Variants in MTRR observed in about 807,000 individuals in gnomAD.
The protein encoded by MTRR is 5-methyltetrahydrofolate-homocysteine methyltransferase reductase.
In MTRR, 63 loss-of-function variants were observed where a neutral mutation model predicts 79.2. The observed-to-expected ratio is 0.80, with a 90% CI of 0.65 to 0.98. The LOEUF is 0.98. MTRR is among the 50% of genes least tolerant of loss of function. The probability of loss-of-function intolerance (pLI) is 0.00; values close to 1 mark genes in which losing one functional copy is unlikely to be tolerated. For synonymous variants in MTRR, 355 were observed against 313.3 expected, an observed-to-expected ratio of 1.13 and a Z score of -1.41; for missense variants, 895 against 839.6, an observed-to-expected ratio of 1.07 and a Z score of -0.82.
rs762091582 is a variant in MTRR at position 7,875,278 on chromosome 5, A to G, written c.304A>G (p.Thr102Ala). 2.5e-6 allele frequency: 4 copies of G among 1,613,352 alleles called. No individual in the cohort carries two copies. Among genetic ancestry groups the G allele is most frequent in the East Asian group, 4.5e-5 (2 of 44,848 alleles). Residue 102 changes from threonine (T) to alanine (A), a missense_variant, in exon 4 of 15, where the codon ACC becomes GCC. Physicochemically the swap from Thr to Ala is moderately conservative, Grantham distance 58 (BLOSUM62 0). Transcript: ENST00000440940. ...TCTAGGTCTCGGTGATTCAGAATAC[A>G]CCTACTTTTGCAATGGGGGGAAGAT... ...GLLGLGDSEY[T>A]YFCNGGKIID...
Position 7,875,287 on chromosome 5 carries a change from T to G in MTRR, c.313T>G (p.Cys105Gly), listed in dbSNP as rs1484416611. 1.9e-6 allele frequency: 3 copies of G among 1,613,678 alleles called. No individual in the cohort carries two copies. The highest frequency in any genetic ancestry group is 3.3e-5 in the Admixed American group (2 of 59,998). The change falls in exon 4 of 15, where the codon TGC becomes GGC. Residue 105 changes from cysteine to glycine, a missense_variant. Transcript: ENST00000440940. The stretch of plus-strand genomic sequence containing the variant: ...CGGTGATTCAGAATACACCTACTTT[T>G]GCAATGGGGGGAAGATAATTGATAA... ...GLGDSEYTYFCNGGKIIDKRL... is the reference protein window; with the variant it reads ...GLGDSEYTYFGNGGKIIDKRL...
chr5:7,885,400 G>C, intron 6 of MTRR: 1 of 361,156 alleles, frequency 2.8e-6, no homozygotes, highest in Admixed American at 4.5e-5. Flanking sequence ...AAACACCATA[G>C]GACCTTACTT....
chr5:7,872,938 A>G (rs1254628083), intron 2 of MTRR, among the ~76,000 whole-genome samples: 1 of 152,040 alleles, frequency 6.6e-6, no homozygotes, highest in Admixed American at 6.6e-5. Flanking sequence ...GGCTCTTAGC[A>G]GTGCTGATTT....
In MTRR at chr5:7,886,765, G is replaced by T; in HGVS notation, c.1146+62G>T. On this transcript the variant is annotated intron_variant, in intron 8 of 14. Coordinates refer to ENST00000440940, the MANE Select transcript of MTRR (RefSeq NM_002454.3). ...AATATGCTTAGCTTTATTTAGGATTGATTAAACAAATTTAGAATATGCCCT... is the reference window on the plus strand; with the variant it reads ...AATATGCTTAGCTTTATTTAGGATTTATTAAACAAATTTAGAATATGCCCT... 2.2e-6 allele frequency: 3 copies of T among 1,350,196 alleles called. No individual in the cohort carries two copies. The South Asian group carries it at 3.5e-5, about 16-fold the overall frequency. The allele number at this position is 1,350,196 out of a possible 1,614,324, so 83.6% of individuals were successfully genotyped here.
intron 4 of MTRR, among the ~76,000 whole-genome samples, chr5:7,875,941 T>C (rs976379355): frequency 6.6e-6 from 1 of 152,268 alleles, no homozygotes; most frequent in African/African-American, 2.4e-5. Context: ...ATTTCACCCA[T>C]TGTGCCACCT....
chr5:7,895,754 A>C lies in MTRR; in HGVS notation c.1578A>C (p.Thr526=). ...TTCAGATATCCATCTCTCCTCGAAC[A>C]ACAAATTCTTTCCACTTACCAGATG... ...LAPKISISPR[T]TNSFHLPDDP... The change falls in exon 12 of 15, where the codon ACA becomes ACC. Residue 526 remains threonine, a synonymous_variant. Coordinates refer to ENST00000440940, the MANE Select transcript of MTRR (RefSeq NM_002454.3). 1 of 1,614,090 alleles carries C rather than the reference A, an allele frequency of 6.2e-7. No homozygotes were observed. Among genetic ancestry groups the C allele is most frequent in the Non-Finnish European group, 8.5e-7 (1 of 1,179,974 alleles).
intron 10 of MTRR, 118 bp downstream of exon 10, chr5:7,891,532 A>C (rs1737580029): frequency 2.5e-6 from 2 of 814,402 alleles, no homozygotes; most frequent in African/African-American, 3.4e-5. Flanking sequence ...TTTATGGAAG[A>C]CAGTACCAGG....
chr5:7,866,804 G>A (rs764801414), upstream of MTRR: 135 of 1,614,050 alleles, frequency 8.4e-5, 1 homozygote, highest in East Asian at 3.0e-3. Context: ...TCTAAATAAA[G>A]CAGAGGCATT....
At chr5:7,873,957 C>T (rs1170006506) in intron 3 of MTRR, among the ~76,000 whole-genome samples, 2 of 152,200 alleles carry the variant, frequency 1.3e-5, no homozygotes, top group African/African-American at 4.8e-5. Flanking sequence ...TTTTCATTTC[C>T]CAGCTACACA....
At chr5:7,869,489 C>T (rs953174531) in intron 1 of MTRR, 5 of 485,208 alleles carry the variant, frequency 1.0e-5, no homozygotes, top group Admixed American at 7.2e-5. Context: ...TCATGTTCTG[C>T]CTTTGGTTCT....
intron 3 of MTRR, among the ~76,000 whole-genome samples, chr5:7,874,816 G>T (rs533135684): frequency 3.9e-5 from 6 of 152,234 alleles, no homozygotes; most frequent in Non-Finnish European, 5.9e-5. Context: ...AAGTGGACTT[G>T]ACTGTCTTTT....
intron 14 of MTRR, among the ~76,000 whole-genome samples, chr5:7,899,363 A>G (rs576730917): frequency 1.5e-3 from 233 of 152,334 alleles, no homozygotes; most frequent in Middle Eastern, 3.4e-3. Flanking sequence ...AGTGTTCCAG[A>G]GAGGACTGCA....
intron 1 of MTRR, among the ~76,000 whole-genome samples, chr5:7,857,311 C>T (rs4277880): frequency 0.53 from 80,682 of 151,984 alleles, 23,330 homozygotes; most frequent in Middle Eastern, 0.66. Flanking sequence ...CCAATGAATT[C>T]ATCAGCATGA....
At chr5:7,880,174 T>C (rs162031) in intron 5 of MTRR, among the ~76,000 whole-genome samples, 121,764 of 152,200 alleles carry the variant, frequency 0.8, 49,259 homozygotes, top group African/African-American at 0.88. Context: ...CTGTCCTGGC[T>C]ACTCCTCGTT....
intron 9 of MTRR, chr5:7,890,169 T>C: frequency 1.3e-6 from 1 of 767,756 alleles, no homozygotes; most frequent in Non-Finnish European, 1.6e-6. Flanking sequence ...TCCTTTTTAC[T>C]CTTGGGCCAG....
At chr5:7,883,468 ACATATGCTGAGT>A in intron 6 of MTRR, among the ~76,000 whole-genome samples, 191 bp downstream of exon 6, 7 of 138,672 alleles carry the variant, frequency 5.0e-5, no homozygotes, top group Non-Finnish European at 6.3e-5. Flanking sequence ...GTGCTTGGTT[ACATATGCTGAGT>A]TGTGTGGTGC....
At chr5:7,887,559 T>G (rs1394491794) in intron 8 of MTRR, among the ~76,000 whole-genome samples, 1 of 147,716 alleles carries the variant, frequency 6.8e-6, no homozygotes, top group Non-Finnish European at 1.5e-5. Flanking sequence ...TTTATATATA[T>G]ATAGATTTAT....
intron 1 of MTRR, chr5:7,861,800 A>G (rs1746567736): frequency 8.1e-6 from 11 of 1,366,254 alleles, no homozygotes; most frequent in Non-Finnish European, 1.0e-5. Context: ...ACAACCAAAC[A>G]ATGGTGAGAA....
At chr5:7,890,498 T>C (rs1737363929) in intron 9 of MTRR, 1 of 773,874 alleles carries the variant, frequency 1.3e-6, no homozygotes. Flanking sequence ...TGTTACCTTT[T>C]AGAATGTTAG....
Sources: gnomAD v4.1 joint callset for allele counts (sites outside exome capture counted in the v4.1 genomes callset) on GRCh38, gnomAD v4.1.1 for gene constraint, MANE v1.5 for transcripts, NCBI Gene and HGNC (gene_info 2026-07-23, HGNC 2026-07-21) for gene names.